The following TSHZ3 variants were observed in gnomAD, a reference collection of about 807,000 sequenced individuals.
TSHZ3 encodes the protein teashirt zinc finger homeobox 3.
TSHZ3 carries 10 observed loss-of-function variants against 64.5 expected under a neutral mutation model. The ratio of observed to expected loss-of-function variants is 0.16; its 90% CI spans 0.10 to 0.26. The LOEUF is 0.26. Ranked by LOEUF, TSHZ3 falls within the 10% of genes least tolerant of loss-of-function variation. The pLI is 1.00. For missense variants in TSHZ3, 1,242 were observed against 1,421.7 expected (o/e 0.87, Z 2.03); for synonymous variants, 608 against 593.1 (o/e 1.03, Z -0.36).
chr19:31,299,764 G>A (rs1302673345), intron 1 of TSHZ3, among the ~76,000 whole-genome samples: 2 of 152,146 alleles, frequency 1.3e-5, no homozygotes, highest in Non-Finnish European at 1.5e-5. Flanking sequence ...AAATTACTTC[G>A]GGGGTCTCTC....
chr19:31,231,369 G>C (rs575854266), intron 3 of TSHZ3, among the ~76,000 whole-genome samples: 8 of 152,208 alleles, frequency 5.3e-5, no homozygotes, highest in African/African-American at 1.9e-4. Flanking sequence ...TTGATTAGGT[G>C]CTTACAGGAG....
At chr19:31,303,269 C>T (rs1269920445) in intron 1 of TSHZ3, among the ~76,000 whole-genome samples, 3 of 152,196 alleles carry the variant, frequency 2.0e-5, no homozygotes, top group East Asian at 3.9e-4. Flanking sequence ...AGCTGCTGAC[C>T]CGCAGGCCTG....
At chr19:31,237,301 T>C (rs1399745393) in intron 3 of TSHZ3, among the ~76,000 whole-genome samples, 1 of 152,222 alleles carries the variant, frequency 6.6e-6, no homozygotes, top group East Asian at 1.9e-4. Context: ...CTGTTAAACT[T>C]ATCAGGCTGA....
intron 5 of TSHZ3, among the ~76,000 whole-genome samples, chr19:31,190,459 C>G (rs1000112974): frequency 2.7e-4 from 41 of 152,122 alleles, no homozygotes; most frequent in African/African-American, 9.7e-4. Context: ...ATCTTCAAAG[C>G]AGTATATTTC....
At chr19:31,262,952 C>A (rs775613874) in intron 1 of TSHZ3, among the ~76,000 whole-genome samples, 8 of 152,210 alleles carry the variant, frequency 5.3e-5, no homozygotes, top group Non-Finnish European at 1.2e-4. Flanking sequence ...GTGTTGAGAG[C>A]GCTGACTGCC....
Position 31,278,430 on chromosome 19 carries a change from G to C in TSHZ3, c.1363C>G (p.Pro455Ala), listed in dbSNP as rs372123849. ...VPLAATTFTS[P>A]SNTPASISPK... ...GAGATGCTGGCAGGTGTATTGGAGG[G>C]GGACGTGAAGGTGGTGGCTGCCAGG... Residue 455 changes from proline to alanine, a missense_variant, in exon 2 of 2, where the codon CCC becomes GCC. By Grantham distance (27) the Pro-to-Ala change is conservative (BLOSUM62 -1). Transcript: ENST00000240587. This position sits in a 1 kb window ranked among gnomAD's most constrained non-coding sequence, Gnocchi z 4.7. 5.6e-5 allele frequency: 90 copies of C among 1,614,030 alleles called. No homozygotes were observed. The highest frequency in any genetic ancestry group is 7.5e-5 in the Non-Finnish European group (89 of 1,180,046).
chr19:31,324,466 C>G (rs748114386), intron 1 of TSHZ3, among the ~76,000 whole-genome samples: 1 of 152,244 alleles, frequency 6.6e-6, no homozygotes, highest in Non-Finnish European at 1.5e-5. Flanking sequence ...GCTTCAAATT[C>G]AGACACAAGT....
At chr19:31,165,660 G>T (rs1974439768) in intron 5 of TSHZ3, among the ~76,000 whole-genome samples, 1 of 152,114 alleles carries the variant, frequency 6.6e-6, no homozygotes, top group South Asian at 2.1e-4. Context: ...CTGACCCGGG[G>T]AGATCCAATA....
chr19:31,304,928 T>G (rs985030730), intron 1 of TSHZ3, among the ~76,000 whole-genome samples: 1 of 152,254 alleles, frequency 6.6e-6, no homozygotes, highest in African/African-American at 2.4e-5. Context: ...AATAAGGGGT[T>G]TGATTGCTTC....
chr19:31,290,164 C>T (rs1438054269), intron 1 of TSHZ3, among the ~76,000 whole-genome samples: 1 of 152,158 alleles, frequency 6.6e-6, no homozygotes, highest in Non-Finnish European at 1.5e-5. Context: ...CAATGGGCTG[C>T]TCAGAAGCAG....
chr19:31,349,331 T>TC lies in TSHZ3; in HGVS notation c.-113dup, dbSNP rs1485932867. 6 of 1,069,218 alleles carry TC rather than the reference T, an allele frequency of 5.6e-6. No homozygotes were observed. The highest frequency in any genetic ancestry group is 2.1e-5 in the South Asian group (1 of 47,522). 66.2% of individuals were successfully genotyped at this position (1,069,218 alleles called of 1,614,324 possible). On this transcript the variant is annotated 5_prime_UTR_variant, in exon 1 of 2. Coordinates refer to ENST00000240587, the MANE Select transcript of TSHZ3 (RefSeq NM_020856.4). ...GGGCGAGGCGGGCCTGCTCTCAGCC[T>TC]CCCCCCCGGAGAGCGGCCGCCCGCA...
intron 5 of TSHZ3, among the ~76,000 whole-genome samples, chr19:31,163,410 G>A (rs1010087396): frequency 6.6e-6 from 1 of 152,138 alleles, no homozygotes; most frequent in African/African-American, 2.4e-5. Context: ...TCAGTGGGGA[G>A]TACAATTATT....
intron 1 of TSHZ3, among the ~76,000 whole-genome samples, chr19:31,246,890 A>G (rs959451164): frequency 9.2e-5 from 14 of 152,208 alleles, no homozygotes; most frequent in Admixed American, 7.2e-4. Flanking sequence ...TAACAGGGAC[A>G]TATCAAAAGG....
chr19:31,336,621 C>T (rs1917250968), intron 1 of TSHZ3, among the ~76,000 whole-genome samples: 1 of 152,278 alleles, frequency 6.6e-6, no homozygotes, highest in East Asian at 1.9e-4. Flanking sequence ...AGAAGGGCAT[C>T]GGATCCTGGT....
At chr19:31,225,168 G>A (rs745337689) in intron 4 of TSHZ3, among the ~76,000 whole-genome samples, 6 of 152,190 alleles carry the variant, frequency 3.9e-5, no homozygotes, top group Non-Finnish European at 8.8e-5. Context: ...TAGAAGTGAG[G>A]CCATGTTACT....
intron 5 of TSHZ3, among the ~76,000 whole-genome samples, chr19:31,191,571 G>GA (rs1442962304): frequency 2.0e-5 from 3 of 152,036 alleles, no homozygotes; most frequent in African/African-American, 7.2e-5. Context: ...GGAAGAGAGG[G>GA]AAAAAAATGT....
chr19:31,153,845 A>G (rs1974270113), intron 6 of TSHZ3, among the ~76,000 whole-genome samples: 1 of 152,216 alleles, frequency 6.6e-6, no homozygotes, highest in Non-Finnish European at 1.5e-5. Flanking sequence ...TTTAATAAAG[A>G]GATTACAAAA....
At chr19:31,240,020 T>G (rs750430218) in intron 3 of TSHZ3, among the ~76,000 whole-genome samples, 2 of 152,204 alleles carry the variant, frequency 1.3e-5, no homozygotes, top group Non-Finnish European at 2.9e-5. Context: ...ATTTTACATT[T>G]ATCTTGCTTG....
intron 5 of TSHZ3, chr19:31,195,545 T>C (rs1007098563): frequency 2.4e-5 from 3 of 124,406 alleles, no homozygotes; most frequent in African/African-American, 6.5e-5. Flanking sequence ...CAAACCAAAA[T>C]GTAGGGATTC....
Sources: allele counts gnomAD v4.1 joint callset (sites outside exome capture counted in the v4.1 genomes callset), GRCh38; gene constraint gnomAD v4.1.1; non-coding constraint Gnocchi (gnomAD v3.1); transcripts MANE v1.5; gene names NCBI Gene and HGNC (gene_info 2026-07-23, HGNC 2026-07-21).